Variants in ZNF514 observed in about 807,000 individuals in gnomAD.
ZNF514 encodes the protein zinc finger protein 514.
ZNF514 carries 12 observed loss-of-function variants against 9.7 expected under a neutral mutation model. The ratio of observed to expected loss-of-function variants is 1.24; its 90% confidence interval spans 0.79 to 2.01. The LOEUF is 2.01. ZNF514 is among the 30% of genes most tolerant of loss of function. The pLI is 0.00. For synonymous variants in ZNF514, 158 were observed against 163.7 expected, an observed-to-expected ratio of 0.97 and a Z score of 0.27; for missense variants, 467 against 465.5, an observed-to-expected ratio of 1.00 and a Z score of -0.03.
At position 95,150,289 on chromosome 2, in the gene ZNF514, A is replaced by AG. The variant is rs537162508; in HGVS notation, c.218-23_218-22insC. 1,031 of 1,524,680 alleles carry AG rather than the reference A, an allele frequency of 6.8e-4. 6 individuals carry two copies. The African/African-American group carries it at 0.012, about 17-fold the overall frequency. The allele number at this position is 1,524,680 out of a possible 1,614,324, so 94.4% of individuals were successfully genotyped here. A position where few individuals can be genotyped will look rare whatever the true frequency, so the allele number is the denominator to read the frequency against. On this transcript the variant is annotated intron_variant, in intron 4 of 4. Transcript: ENST00000295208. ...CAGTCTGTTAAAAAAAAAAAAAAAA[A>AG]AAGAAGACATTCTAGTATGTAGAAT...
At chr2:95,139,835 C>T in the ZNF514 span, among the ~76,000 whole-genome samples, 1 of 152,002 alleles carries the variant, frequency 6.6e-6, no homozygotes, top group Non-Finnish European at 1.5e-5. Flanking sequence ...AAATGTAATA[C>T]CAATGTTGAG....
At chr2:95,141,623 A>G (rs1558696555), downstream of ZNF514, among the ~76,000 whole-genome samples, 1 of 152,190 alleles carries the variant, frequency 6.6e-6, no homozygotes, top group Non-Finnish European at 1.5e-5. Flanking sequence ...GCCTCTTTAT[A>G]ATGTTAAATC....
Position 95,159,509 on chromosome 2 carries a change from C to T in ZNF514, c.-365G>A, listed in dbSNP as rs1673788988. The stretch of plus-strand genomic sequence containing the variant: ...GCGGGGGGCACTCGGAGGGACACAC[C>T]CAGCTCTGTAAGGGGCCGGGGCGCG... On this transcript the variant is annotated 5_prime_UTR_variant, in exon 1 of 5. Transcript: ENST00000295208. The T allele has an allele frequency of 1.3e-5, 2 of 153,344 alleles. No homozygotes were observed. Among genetic ancestry groups the T allele is most frequent in the African/African-American group, 4.8e-5 (2 of 41,438 alleles). The allele number at this position is 153,344 out of a possible 1,614,324, so 9.5% of individuals were successfully genotyped here. A position where few individuals can be genotyped will look rare whatever the true frequency, so the allele number is the denominator to read the frequency against.
At position 95,158,557 on chromosome 2, in the gene ZNF514, C is replaced by A. The variant is rs542969997; in HGVS notation, c.-96+683G>T. Among the ~76,000 whole-genome samples, 14 of 152,306 alleles carry A rather than the reference C, an allele frequency of 9.2e-5. No homozygotes were observed. The East Asian group carries it at 2.7e-3, about 29-fold the overall frequency. On this transcript the variant is annotated intron_variant, in intron 1 of 4. Transcript: ENST00000295208. Reference sequence around the variant, plus strand: ...CGCTGAGCTAGAACGACTGGAAGAACCTTATTAGTGAGGTGATTAAGGAGG... The same window carrying A: ...CGCTGAGCTAGAACGACTGGAAGAAACTTATTAGTGAGGTGATTAAGGAGG...
rs1673435662 is a variant in ZNF514, at chr2:95,148,838, A to ATGCT, written c.*440_*443dup. 6.3e-6 allele frequency: 1 copy of ATGCT among 158,380 alleles called. No homozygotes were observed. The highest frequency in any genetic ancestry group is 1.4e-5 in the Non-Finnish European group (1 of 72,138). The allele number at this position is 158,380 out of a possible 1,614,324, so 9.8% of individuals were successfully genotyped here. ...GGCCTCTCTCTAGTATGTGTTCTTG[A>ATGCT]TGCTTAGTAAAGGAAGAGATACAAC... On this transcript the variant is annotated 3_prime_UTR_variant, in exon 5 of 5. Coordinates refer to ENST00000295208, the MANE Select transcript of ZNF514 (RefSeq NM_032788.3).
At chr2:95,156,701 C>T (rs1174023473) in intron 2 of ZNF514, among the ~76,000 whole-genome samples, 2 of 152,164 alleles carry the variant, frequency 1.3e-5, no homozygotes, top group African/African-American at 2.4e-5. Context: ...TTATAGTCTT[C>T]ATGTTACTGC....
At chr2:95,127,195 T>C in the ZNF514 span, among the ~76,000 whole-genome samples, 1 of 152,214 alleles carries the variant, frequency 6.6e-6, no homozygotes, top group African/African-American at 2.4e-5. Context: ...TACCAATGCC[T>C]TTCCTGAGAG....
chr2:95,124,397 A>G, the ZNF514 span, among the ~76,000 whole-genome samples: 3 of 152,090 alleles, frequency 2.0e-5, no homozygotes, highest in Non-Finnish European at 4.4e-5. Flanking sequence ...CTTCCTTTAC[A>G]TTGCTGAGTA....
In ZNF514 at chr2:95,149,406, G is replaced by C; in HGVS notation, c.1079C>G (p.Thr360Ser). Residue 360 changes from threonine (T) to serine (S), a missense_variant, in exon 5 of 5, where the codon ACT becomes AGT. Transcript: ENST00000295208. ...TCCAGTGTGAAATCTGTAATGTTGA[G>C]TGAGAGATGAACTCTGGCTGAAGGC... ...GRAFSQSSSL[T>S]QHYRFHTGEK... The C allele has an allele frequency of 6.2e-7, 1 of 1,612,458 alleles. No homozygotes were observed. The highest frequency in any genetic ancestry group is 8.5e-7 in the Non-Finnish European group (1 of 1,179,626).
chr2:95,147,263 T>C lies in ZNF514; in HGVS notation c.*2019A>G, dbSNP rs754854835. On this transcript the variant is annotated 3_prime_UTR_variant, in exon 5 of 5. Transcript: ENST00000295208. ...AATAAAAAGTGATACCAAAAATGCA[T>C]AGATGGCTTGAAGTAACAAACAAAA... 4.6e-5 allele frequency: 7 copies of C among 152,156 alleles called. No homozygotes were observed. Among genetic ancestry groups the C allele is most frequent in the Non-Finnish European group, 8.8e-5 (6 of 68,028 alleles). 9.4% of individuals were successfully genotyped at this position (152,156 alleles called of 1,614,324 possible).
At chr2:95,125,228 C>CT in the ZNF514 span, among the ~76,000 whole-genome samples, 1,130 of 125,128 alleles carry the variant, frequency 9.0e-3, 8 homozygotes, top group Middle Eastern at 0.018. Context: ...AATTGCCATC[C>CT]TTTTTTTTTT....
chr2:95,151,758 G>T (rs1473325286), intron 4 of ZNF514, among the ~76,000 whole-genome samples: 2 of 152,156 alleles, frequency 1.3e-5, no homozygotes, highest in Non-Finnish European at 2.9e-5. Context: ...TGTTTAACAA[G>T]CTCCCTGGGA....
the ZNF514 span, among the ~76,000 whole-genome samples, chr2:95,133,440 T>C: frequency 1.3e-5 from 2 of 152,028 alleles, no homozygotes; most frequent in African/African-American, 4.8e-5. Context: ...ACCAGATGAG[T>C]GGTTGTCAGG....
At position 95,149,682 on chromosome 2, in the gene ZNF514, G is replaced by A. The variant is rs1040597533; in HGVS notation, c.803C>T (p.Ala268Val). 2 of 1,614,086 alleles carry A rather than the reference G, an allele frequency of 1.2e-6. No individual in the cohort carries two copies. Among genetic ancestry groups the A allele is most frequent in the African/African-American group, 1.3e-5 (1 of 74,936 alleles). ...AACAAGAGACGAACTCTGGCTGAAGGCTCTCCCACATTCACTGCATTCATA... is the reference window on the plus strand; with the variant it reads ...AACAAGAGACGAACTCTGGCTGAAGACTCTCCCACATTCACTGCATTCATA... ...KPYECSECGR[A>V]FSQSSSLVLH... is the part of the protein sequence containing the mutation. The change falls in exon 5 of 5, where the codon GCC becomes GTC. Residue 268 changes from alanine to valine, a missense_variant. Ala to Val is a moderately conservative substitution (Grantham distance 64, BLOSUM62 0). Coordinates refer to ENST00000295208, the MANE Select transcript of ZNF514 (RefSeq NM_032788.3).
rs1316941721 is a variant in ZNF514 at position 95,149,757 on chromosome 2, T to C, written c.728A>G (p.His243Arg). The change falls in exon 5 of 5, where the codon CAT becomes CGT. Residue 243 changes from histidine (H) to arginine (R), a missense_variant. His to Arg is a conservative substitution (Grantham distance 29). Transcript: ENST00000295208. Reference sequence around the variant, plus strand: ...TTGATGTTTAATAAGGGATGAAATATGACCAAAGGCTCTTCCACAGTCACT... The same window carrying C: ...TTGATGTTTAATAAGGGATGAAATACGACCAAAGGCTCTTCCACAGTCACT... ...ECSDCGRAFG[H>R]ISSLIKHQRT... 6.8e-6 allele frequency: 11 copies of C among 1,614,146 alleles called. No individual in the cohort carries two copies. The highest frequency in any genetic ancestry group is 6.7e-5 in the Admixed American group (4 of 60,010).
intron 2 of ZNF514, chr2:95,154,859 C>T (rs772786612): frequency 6.6e-6 from 1 of 152,160 alleles, no homozygotes; most frequent in African/African-American, 2.4e-5. Flanking sequence ...GGTTGTCAAA[C>T]CTTTTTGTTT....
intron 4 of ZNF514, among the ~76,000 whole-genome samples, chr2:95,150,977 C>T (rs1673520128): frequency 6.6e-6 from 1 of 152,230 alleles, no homozygotes; most frequent in South Asian, 2.1e-4. Context: ...CAGGGACAAG[C>T]TCATGTCCTC....
At chr2:95,158,658 C>T (rs1673752792) in intron 1 of ZNF514, among the ~76,000 whole-genome samples, 1 of 152,242 alleles carries the variant, frequency 6.6e-6, no homozygotes, top group East Asian at 1.9e-4. Flanking sequence ...GGTTTGCTTG[C>T]CCTCTCCCTG....
the ZNF514 span, among the ~76,000 whole-genome samples, chr2:95,132,195 G>C: frequency 1.5e-5 from 2 of 136,876 alleles, no homozygotes; most frequent in Non-Finnish European, 1.6e-5. Context: ...TAAATGACAA[G>C]CTACAGACTG....
Sources: allele counts gnomAD v4.1 joint callset (sites outside exome capture counted in the v4.1 genomes callset), GRCh38; gene constraint gnomAD v4.1.1; transcripts MANE v1.5; gene names NCBI Gene and HGNC (gene_info 2026-07-23, HGNC 2026-07-21).